The following SULT1A1 variants were observed in gnomAD, a reference collection of about 807,000 sequenced individuals.
SULT1A1 encodes the protein sulfotransferase family 1A member 1.
A neutral mutation model predicts 36.8 loss-of-function variants in SULT1A1; 35 were observed. That is an observed-to-expected ratio of 0.95 (90% CI 0.73 to 1.26). SULT1A1 has a LOEUF of 1.26. Among genes scored for constraint, SULT1A1 ranks in the 50% most tolerant of loss-of-function variants. The probability of loss-of-function intolerance (pLI) is 0.00; values close to 1 mark genes in which losing one functional copy is unlikely to be tolerated. For missense variants in SULT1A1, 309 were observed against 383.0 expected (o/e 0.81, Z 1.61); for synonymous variants, 119 against 146.0 (o/e 0.82, Z 1.33).
chr16:28,616,436 G>A (rs1229852761), intron 2 of SULT1A1, among the ~76,000 whole-genome samples: 2 of 152,048 alleles, frequency 1.3e-5, no homozygotes, highest in African/African-American at 4.8e-5. Flanking sequence ...ACAGGCGTGC[G>A]CCACCATGCC....
At position 28,605,620 on chromosome 16, in the gene SULT1A1, A is replaced by T; in HGVS notation, c.*201T>A. On this transcript the variant is annotated 3_prime_UTR_variant, in exon 8 of 8. Coordinates refer to ENST00000314752, the MANE Select transcript of SULT1A1 (RefSeq NM_001055.4). ...TTAAAAATTGGTTTTATTTTATTTT[A>T]TTTTTTTAACAGAATCTCACTATGT... 2.3e-6 allele frequency: 2 copies of T among 883,106 alleles called. No homozygotes were observed. The highest frequency in any genetic ancestry group is 3.4e-6 in the Non-Finnish European group (2 of 581,352). 54.7% of individuals were successfully genotyped at this position (883,106 alleles called of 1,614,324 possible).
At position 28,608,360 on chromosome 16, in the gene SULT1A1, G is replaced by A. The variant is rs1334715649; in HGVS notation, c.303C>T (p.Ala101=). ...GCAGGTGTGTCTTCAGGAGTCGTGG[G>A]GCCGGTGTGTCTTTCAGAGTCTCCA... is the stretch of plus-strand genomic sequence containing the variant. ...SGMETLKDTP[A]PRLLKTHLPL... The change falls in exon 4 of 8, where the codon GCC becomes GCT. Residue 101 remains alanine (A), a synonymous_variant. Coordinates refer to ENST00000314752, the MANE Select transcript of SULT1A1 (RefSeq NM_001055.4). 6 of 1,612,276 alleles carry A rather than the reference G, an allele frequency of 3.7e-6. No individual in the cohort carries two copies. In the Admixed American group the frequency reaches 8.3e-5, roughly 22 times the overall value.
Position 28,610,003 on chromosome 16 carries a change from G to T in SULT1A1, c.-77C>A, listed in dbSNP as rs187922972. ...TGATTGTGGGTGTTGTGTGGGGAATGCAGGGTTGTTCTCTGAGCTGAGGGT... is the reference window on the plus strand; with the variant it reads ...TGATTGTGGGTGTTGTGTGGGGAATTCAGGGTTGTTCTCTGAGCTGAGGGT... On this transcript the variant is annotated 5_prime_UTR_variant, in exon 1 of 8. Coordinates refer to ENST00000314752, the MANE Select transcript of SULT1A1 (RefSeq NM_001055.4). The T allele has an allele frequency of 7.8e-7, 1 of 1,287,722 alleles. No homozygotes were observed. The highest frequency in any genetic ancestry group is 1.5e-5 in the African/African-American group (1 of 65,880). 79.8% of individuals were successfully genotyped at this position (1,287,722 alleles called of 1,614,324 possible). A position where few individuals can be genotyped will look rare whatever the true frequency, so the allele number is the denominator to read the frequency against.
chr16:28,609,804 AG>A (rs1420352776), intron 1 of SULT1A1, 126 bp downstream of exon 1: 1 of 1,036,456 alleles, frequency 9.6e-7, no homozygotes, highest in Admixed American at 3.6e-5. Flanking sequence ...CACGCAGGCC[AG>A]GGTTGTCTGA....
At position 28,606,074 on chromosome 16, in the gene SULT1A1, A is replaced by G. The variant is rs1596622924; in HGVS notation, c.757T>C (p.Ser253Pro). ...CACCCACCTTTCCTCATGAAGGGGG[A>G]GATGCTGTGGTCCATGAACTCCTGG... is the stretch of plus-strand genomic sequence containing the variant. ...VPQEFMDHSI[S>P]PFMRKGMAGD... Residue 253 changes from serine to proline, a missense_variant, in exon 7 of 8, where the codon TCC becomes CCC. Physicochemically the swap from Ser to Pro is moderately conservative, Grantham distance 74. This residue lies in a region of SULT1A1 where 67 missense variants were observed against 122.0 expected (regional missense o/e 0.55). Coordinates refer to ENST00000314752, the MANE Select transcript of SULT1A1 (RefSeq NM_001055.4). The G allele has an allele frequency of 1.5e-6, 2 of 1,356,388 alleles. No homozygotes were observed. The highest frequency in any genetic ancestry group is 2.0e-5 in the Admixed American group (1 of 48,932). 84.0% of individuals were successfully genotyped at this position (1,356,388 alleles called of 1,614,324 possible). A position where few individuals can be genotyped will look rare whatever the true frequency, so the allele number is the denominator to read the frequency against.
In SULT1A1 at chr16:28,605,316, AG is replaced by A. The variant is rs1339700660; in HGVS notation, c.*504del. 1.0e-5 allele frequency: 2 copies of A among 200,264 alleles called. No homozygotes were observed. Among genetic ancestry groups the A allele is most frequent in the African/African-American group, 4.7e-5 (2 of 42,358 alleles). 12.4% of individuals were successfully genotyped at this position (200,264 alleles called of 1,614,324 possible). ...TCAAGCAAGATTTGCTCTGTCCCTCAGGCTTGAGTGGATTAGCCCAGTCAGC... is the reference window on the plus strand; with the variant it reads ...TCAAGCAAGATTTGCTCTGTCCCTCAGCTTGAGTGGATTAGCCCAGTCAGC... On this transcript the variant is annotated 3_prime_UTR_variant, in exon 8 of 8. Transcript: ENST00000314752.
chr16:28,621,325 TG>T, intron 1 of SULT1A1, among the ~76,000 whole-genome samples: 1 of 150,340 alleles, frequency 6.7e-6, no homozygotes, highest in African/African-American at 2.4e-5. Context: ...CCATTAAAAA[TG>T]CAAAAATTAG....
upstream of SULT1A1, chr16:28,611,174 G>C (rs1358050269): frequency 2.0e-5 from 3 of 152,188 alleles, no homozygotes; most frequent in African/African-American, 7.2e-5. Flanking sequence ...ACAACCTGTC[G>C]GACCCACACG....
intron 2 of SULT1A1, among the ~76,000 whole-genome samples, chr16:28,616,634 G>A (rs187000777): frequency 3.3e-5 from 5 of 152,178 alleles, no homozygotes; most frequent in East Asian, 1.9e-4. Context: ...TGTTGCCCAA[G>A]CTGGTCTCGA....
At position 28,605,334 on chromosome 16, in the gene SULT1A1, C is replaced by G. The variant is rs956505384; in HGVS notation, c.*487G>C. On this transcript the variant is annotated 3_prime_UTR_variant, in exon 8 of 8. Coordinates refer to ENST00000314752, the MANE Select transcript of SULT1A1 (RefSeq NM_001055.4). ...GTCCCTCAGGCTTGAGTGGATTAGCCCAGTCAGCCCACTGCAGCCATAACC... is the reference window on the plus strand; with the variant it reads ...GTCCCTCAGGCTTGAGTGGATTAGCGCAGTCAGCCCACTGCAGCCATAACC... 1 of 243,728 alleles carries G rather than the reference C, an allele frequency of 4.1e-6. No individual in the cohort carries two copies. Among genetic ancestry groups the G allele is most frequent in the African/African-American group, 2.3e-5 (1 of 43,534 alleles). The allele number at this position is 243,728 out of a possible 1,614,324, so 15.1% of individuals were successfully genotyped here.
At position 28,620,192 on chromosome 16, in the gene SULT1A1, T is replaced by C. The variant is rs1377092913; in HGVS notation, c.68-59A>G. 3.3e-6 allele frequency: 5 copies of C among 1,529,968 alleles called. No individual in the cohort carries two copies. The Admixed American group carries it at 8.8e-5, about 27-fold the overall frequency. 94.8% of individuals were successfully genotyped at this position (1,529,968 alleles called of 1,614,324 possible). A position where few individuals can be genotyped will look rare whatever the true frequency, so the allele number is the denominator to read the frequency against. On this transcript the variant is annotated intron_variant, in intron 1 of 5. Coordinates refer to the SULT1A1 transcript ENST00000350842. Reference sequence around the variant, plus strand: ...ATTCAGTAGAGTACTGTATAACAGTTCATGTTTAAGTTTACCATTCCAAAA... The same window carrying C: ...ATTCAGTAGAGTACTGTATAACAGTCCATGTTTAAGTTTACCATTCCAAAA...
upstream of SULT1A1, chr16:28,610,344 C>G (rs2047405500): frequency 1.5e-6 from 1 of 673,612 alleles, no homozygotes; most frequent in Non-Finnish European, 2.1e-6. Context: ...TGCCAGGCAG[C>G]CAACAGACAA....
chr16:28,620,563 CAA>C (rs5816469), intron 1 of SULT1A1, among the ~76,000 whole-genome samples: 1,406 of 90,822 alleles, frequency 0.015, 10 homozygotes, highest in African/African-American at 0.034. Flanking sequence ...GACCCTGTCT[CAA>C]AAAAAAAAAA....
chr16:28,622,847 C>T (rs1371207252), intron 1 of SULT1A1, among the ~76,000 whole-genome samples: 1 of 152,200 alleles, frequency 6.6e-6, no homozygotes, highest in African/African-American at 2.4e-5. Flanking sequence ...GTCTGAGCCC[C>T]GACCCTAGTC....
At chr16:28,607,311 C>G (rs1486406537) in intron 4 of SULT1A1, 1 of 748,262 alleles carries the variant, frequency 1.3e-6, no homozygotes, top group African/African-American at 1.7e-5. Context: ...ATGCGTCACA[C>G]CCCAATCTGG....
At chr16:28,621,564 G>A (rs994086530) in intron 1 of SULT1A1, among the ~76,000 whole-genome samples, 1 of 151,042 alleles carries the variant, frequency 6.6e-6, no homozygotes, top group Non-Finnish European at 1.5e-5. Context: ...GTTTTTTGAG[G>A]ATTAAATAGC....
intron 2 of SULT1A1, among the ~76,000 whole-genome samples, chr16:28,619,404 G>T (rs2047606918): frequency 6.6e-6 from 1 of 152,154 alleles, no homozygotes; most frequent in Admixed American, 6.6e-5. Flanking sequence ...AGATTTCTCT[G>T]TCAAAATATT....
intron 1 of SULT1A1, chr16:28,609,566 G>A: frequency 2.2e-6 from 1 of 448,672 alleles, no homozygotes; most frequent in Non-Finnish European, 3.9e-6. Context: ...GTGCAGCATT[G>A]CAAGACCCCA....
In SULT1A1 at chr16:28,608,221, A is replaced by T; in HGVS notation, c.372+70T>A. ...AGGGTGCTCTCAAACTCCCAACCTC[A>T]GGTGATCTGCCTGCCTCAGCCTCCC... is the stretch of plus-strand genomic sequence containing the variant. On this transcript the variant is annotated intron_variant, in intron 4 of 7. Transcript: ENST00000314752. 57 of 1,588,106 alleles carry T rather than the reference A, an allele frequency of 3.6e-5. 1 individual carries two copies. Among genetic ancestry groups the T allele is most frequent in the Non-Finnish European group, 4.7e-5 (55 of 1,160,440 alleles).
Sources: gnomAD v4.1 joint callset for allele counts (sites outside exome capture counted in the v4.1 genomes callset) on GRCh38, gnomAD v4.1.1 for gene constraint, gnomAD v4.1.1 regional missense constraint, MANE v1.5 for transcripts, NCBI Gene and HGNC (gene_info 2026-07-23, HGNC 2026-07-21) for gene names.